TMPRSS15: variants seen among roughly 807,000 people sequenced by gnomAD.
TMPRSS15 encodes enteropeptidase.
In TMPRSS15, 128 loss-of-function variants were observed where a neutral mutation model predicts 125.3. The ratio of observed to expected loss-of-function variants is 1.02; its 90% confidence interval spans 0.89 to 1.18. The LOEUF (loss-of-function observed/expected upper bound fraction) is 1.18. Ranked by LOEUF, TMPRSS15 falls within the 50% of genes most tolerant of loss-of-function variation. The pLI, the probability that TMPRSS15 is intolerant of heterozygous loss-of-function variation, is 0.00. For synonymous variants in TMPRSS15, 446 were observed against 423.2 expected (o/e 1.05, Z -0.66); for missense variants, 1,283 against 1,212.7 (o/e 1.06, Z -0.86).
At chr21:18,356,524 A>G (rs1183707671) in intron 8 of TMPRSS15, among the ~76,000 whole-genome samples, 2 of 151,716 alleles carry the variant, frequency 1.3e-5, no homozygotes, top group Non-Finnish European at 1.5e-5. Context: ...TATATAAGGG[A>G]AAAATGCTAT....
Position 18,403,618 on chromosome 21 carries a change from C to G in TMPRSS15, c.5G>C (p.Gly2Ala). Residue 2 changes from glycine (G) to alanine (A), a missense_variant, in exon 1 of 25, where the codon GGG becomes GCG. Transcript: ENST00000284885. ...CCTAGAAGATATGCCTCTTTTCGAC[C>G]CCATTTTTGGTTTTGAAGGCTTGCT... MGSKRGISSRHH... is the reference protein window; with the variant it reads MASKRGISSRHH... 6.2e-7 allele frequency: 1 copy of G among 1,613,940 alleles called. No homozygotes were observed. Among genetic ancestry groups the G allele is most frequent in the African/African-American group, 1.3e-5 (1 of 75,000 alleles).
intron 18 of TMPRSS15, 150 bp downstream of exon 18, chr21:18,312,795 G>A: frequency 1.0e-6 from 1 of 983,886 alleles, no homozygotes; most frequent in South Asian, 1.6e-5. Context: ...TGAAAATGGG[G>A]TTAATCAAGA....
chr21:18,399,381 C>T (rs2076073726), intron 1 of TMPRSS15, among the ~76,000 whole-genome samples: 1 of 152,096 alleles, frequency 6.6e-6, no homozygotes, highest in African/African-American at 2.4e-5. Flanking sequence ...AGTATGTGTG[C>T]ATATAGTCTA....
At chr21:18,396,640 G>A (rs1211410640) in intron 3 of TMPRSS15, among the ~76,000 whole-genome samples, 1 of 151,822 alleles carries the variant, frequency 6.6e-6, no homozygotes, top group Non-Finnish European at 1.5e-5. Flanking sequence ...CGGGTATGGT[G>A]GCGGGCACCT....
chr21:18,429,754 C>T (rs2123208413), intron 1 of TMPRSS15, among the ~76,000 whole-genome samples: 1 of 152,196 alleles, frequency 6.6e-6, no homozygotes, highest in East Asian at 1.9e-4. Context: ...ATTAACATGC[C>T]TACGTAGATG....
intron 10 of TMPRSS15, among the ~76,000 whole-genome samples, 164 bp downstream of exon 10, chr21:18,352,738 GC>G (rs2075582807): frequency 6.6e-6 from 1 of 151,804 alleles, no homozygotes; most frequent in Non-Finnish European, 1.5e-5. Context: ...ACTTTTACTT[GC>G]CTGTTTGATT....
In TMPRSS15 at chr21:18,341,556, T is replaced by A. The variant is rs1252939025; in HGVS notation, c.1429-8A>T. 1.2e-6 allele frequency: 2 copies of A among 1,613,950 alleles called. No homozygotes were observed. The highest frequency in any genetic ancestry group is 2.2e-5 in the South Asian group (2 of 91,078). On this transcript the variant is annotated splice_polypyrimidine_tract_variant and splice_region_variant and intron_variant, in intron 12 of 24. Coordinates refer to ENST00000284885, the MANE Select transcript of TMPRSS15 (RefSeq NM_002772.3). ...AAAAGCATTAAAAGCAACCTGCAAT[T>A]CAGAGAGGCATATGAAACGATTTGA...
Position 18,433,649 on chromosome 21 carries a change from G to T in TMPRSS15, c.11-35320C>A, listed in dbSNP as rs370248779. 2.9e-4 allele frequency among the ~76,000 whole-genome samples: 23 copies of T among 79,114 alleles called. No individual in the cohort carries two copies. In the East Asian group the frequency reaches 6.4e-3, roughly 22 times the overall value. 51.9% of individuals were successfully genotyped at this position (79,114 alleles called of 152,430 possible). ...ACTGCACTCCAGCCTGGGTGAGAAA[G>T]TAAGACCTTGTCTCAAAAAAAAAAA... On this transcript the variant is annotated intron_variant, in intron 1 of 7. Transcript: ENST00000422787.
chr21:18,286,073 A>G (rs2074760018), intron 21 of TMPRSS15, among the ~76,000 whole-genome samples: 1 of 152,234 alleles, frequency 6.6e-6, no homozygotes, highest in African/African-American at 2.4e-5. Context: ...TTTACTTGGT[A>G]GATTATTCCT....
intron 21 of TMPRSS15, among the ~76,000 whole-genome samples, chr21:18,289,372 T>C (rs1466952807): frequency 1.3e-5 from 2 of 151,960 alleles, no homozygotes; most frequent in Non-Finnish European, 2.9e-5. Context: ...AGTAGCCGGG[T>C]GTGGTGGTGC....
intron 1 of TMPRSS15, 115 bp downstream of exon 1, chr21:18,403,363 G>T: frequency 7.2e-7 from 1 of 1,386,738 alleles, no homozygotes. Context: ...TAGATTGAAA[G>T]CCCAAAATAA....
chr21:18,416,334 C>T lies in TMPRSS15; in HGVS notation c.11-18005G>A, dbSNP rs181998022. On this transcript the variant is annotated intron_variant, in intron 1 of 7. Transcript: ENST00000422787. The stretch of plus-strand genomic sequence containing the variant: ...GGAACCACAAAAGACCCAGAGTAGC[C>T]GAAGAGATCTTGAGAAAGAAGAGCA... Among the ~76,000 whole-genome samples the T allele has an allele frequency of 7.9e-4, 120 of 151,964 alleles. No homozygotes were observed. The Middle Eastern group carries it at 0.01, about 13-fold the overall frequency.
At chr21:18,420,977 A>T (rs564960831) in intron 1 of TMPRSS15, among the ~76,000 whole-genome samples, 1 of 152,192 alleles carries the variant, frequency 6.6e-6, no homozygotes, top group Non-Finnish European at 1.5e-5. Flanking sequence ...TTAAATAAGG[A>T]TGTGCATTTT....
intron 4 of TMPRSS15, among the ~76,000 whole-genome samples, chr21:18,382,596 ATT>A (rs2075902718): frequency 6.6e-6 from 1 of 152,232 alleles, no homozygotes; most frequent in African/African-American, 2.4e-5. Context: ...GATTGATCTC[ATT>A]TTGTAGCAAA....
chr21:18,369,301 C>T (rs1380201525), intron 6 of TMPRSS15, among the ~76,000 whole-genome samples: 1 of 152,162 alleles, frequency 6.6e-6, no homozygotes, highest in African/African-American at 2.4e-5. Flanking sequence ...CAAACATGAT[C>T]TATGCTCACC....
intron 1 of TMPRSS15, among the ~76,000 whole-genome samples, chr21:18,449,458 T>C (rs1230488059): frequency 6.6e-6 from 1 of 152,128 alleles, no homozygotes; most frequent in Non-Finnish European, 1.5e-5. Context: ...TTCTCTTTTT[T>C]AAATTGTGTA....
intron 7 of TMPRSS15, among the ~76,000 whole-genome samples, chr21:18,364,033 T>G (rs2075703112): frequency 6.6e-6 from 1 of 152,128 alleles, no homozygotes; most frequent in African/African-American, 2.4e-5. Context: ...AACAATCTTT[T>G]TCTCACATCT....
At chr21:18,321,111 GT>G (rs57412874) in intron 16 of TMPRSS15, among the ~76,000 whole-genome samples, 21,404 of 151,970 alleles carry the variant, frequency 0.14, 1,660 homozygotes, top group African/African-American at 0.18. Context: ...GAATTCCATC[GT>G]TAAGACTCTG....
chr21:18,335,213 C>G (rs1187759627), intron 13 of TMPRSS15, among the ~76,000 whole-genome samples: 2 of 152,178 alleles, frequency 1.3e-5, no homozygotes, highest in African/African-American at 4.8e-5. Flanking sequence ...ATATTACACT[C>G]AGATATAAGA....
Sources: allele counts gnomAD v4.1 joint callset (sites outside exome capture counted in the v4.1 genomes callset), GRCh38; gene constraint gnomAD v4.1.1; transcripts MANE v1.5; gene names NCBI Gene and HGNC (gene_info 2026-07-23, HGNC 2026-07-21).